WDR49: variants seen among roughly 807,000 people sequenced by gnomAD.
WDR49 encodes the protein cilia- and flagella-associated protein 337.
In WDR49, 107 loss-of-function variants were observed where a neutral mutation model predicts 119.5. The ratio of observed to expected loss-of-function variants is 0.90; its 90% CI spans 0.77 to 1.05. WDR49 has a LOEUF of 1.05. WDR49 is among the 50% of genes least tolerant of loss of function. The pLI is 0.00. For missense variants in WDR49, 1,240 were observed against 1,220.5 expected (o/e 1.02, Z -0.24); for synonymous variants, 425 against 418.8 (o/e 1.01, Z -0.18).
intron 8 of WDR49, among the ~76,000 whole-genome samples, chr3:167,570,905 G>A (rs113416071): frequency 0.22 from 33,236 of 151,546 alleles, 3,886 homozygotes; most frequent in South Asian, 0.27. Flanking sequence ...GCATGGTGGC[G>A]CACACCTGTA....
intron 9 of WDR49, among the ~76,000 whole-genome samples, chr3:167,557,747 C>A (rs573355014): frequency 8.6e-6 from 1 of 116,460 alleles, no homozygotes; most frequent in Non-Finnish European, 1.9e-5. Context: ...AGCGAGACTC[C>A]GTCTCAAAAA....
intron 8 of WDR49, among the ~76,000 whole-genome samples, chr3:167,565,679 G>C (rs1473464053): frequency 2.0e-5 from 3 of 152,038 alleles, no homozygotes; most frequent in African/African-American, 7.2e-5. Flanking sequence ...AAGGCCCTGA[G>C]GCACAGTGTC....
intron 7 of WDR49, among the ~76,000 whole-genome samples, chr3:167,582,949 AAC>A (rs369014712): frequency 9.5e-4 from 142 of 149,048 alleles, no homozygotes; most frequent in Non-Finnish European, 5.8e-4. Flanking sequence ...TCTCAAAACA[AAC>A]ACACACACAC....
In WDR49 at chr3:167,500,286, T is replaced by G; in HGVS notation, c.2898A>C (p.Ser966=). 2 of 1,605,240 alleles carry G rather than the reference T, an allele frequency of 1.2e-6. No individual in the cohort carries two copies. The highest frequency in any genetic ancestry group is 4.5e-5 in the East Asian group (2 of 44,184). ...VIKKSFSTFR[S]LNIGALEELP... is the part of the protein sequence containing the mutation. ...GCTCTTCCAGGGCTCCAATGTTTAATGACCTAAATGTACCTTCACAACAGC... is the reference window on the plus strand; with the variant it reads ...GCTCTTCCAGGGCTCCAATGTTTAAGGACCTAAATGTACCTTCACAACAGC... The change falls in exon 18 of 19, where the codon TCA becomes TCC. Residue 966 remains serine, a synonymous_variant. Coordinates refer to ENST00000682715, the MANE Select transcript of WDR49 (RefSeq NM_001366157.1).
At chr3:167,564,213 C>T (rs1435284751) in intron 8 of WDR49, among the ~76,000 whole-genome samples, 1 of 152,168 alleles carries the variant, frequency 6.6e-6, no homozygotes, top group Non-Finnish European at 1.5e-5. Context: ...CAGCATATAG[C>T]TAGTCTGATT....
chr3:167,567,545 C>A (rs1713680194), intron 8 of WDR49, among the ~76,000 whole-genome samples: 1 of 152,186 alleles, frequency 6.6e-6, no homozygotes, highest in Non-Finnish European at 1.5e-5. Context: ...TTTTCTATAA[C>A]AATGATGGCA....
At chr3:167,607,558 G>A (rs1009828407) in intron 5 of WDR49, among the ~76,000 whole-genome samples, 2 of 152,160 alleles carry the variant, frequency 1.3e-5, no homozygotes, top group Non-Finnish European at 2.9e-5. Context: ...CAACCTGAAA[G>A]CCAACTTGCT....
intron 5 of WDR49, among the ~76,000 whole-genome samples, chr3:167,609,303 A>T (rs915461139): frequency 2.6e-5 from 4 of 151,498 alleles, no homozygotes; most frequent in African/African-American, 7.3e-5. Context: ...ATAGAAAAAT[A>T]AAAAAAAACA....
chr3:167,640,705 G>T (rs1018509577), intron 2 of WDR49, among the ~76,000 whole-genome samples: 1 of 151,800 alleles, frequency 6.6e-6, no homozygotes, highest in African/African-American at 2.4e-5. Context: ...CAGGGATCAA[G>T]CTGCTGTAAA....
At chr3:167,479,066 G>T in intron 18 of WDR49, 70 bp from the exon 19 acceptor site, 1 of 1,164,938 alleles carries the variant, frequency 8.6e-7, no homozygotes, top group Non-Finnish European at 1.2e-6. Context: ...GAAATAGTGG[G>T]GAGAAAATTC....
intron 5 of WDR49, among the ~76,000 whole-genome samples, chr3:167,605,977 C>T (rs1024318615): frequency 5.3e-5 from 8 of 152,144 alleles, no homozygotes; most frequent in African/African-American, 1.9e-4. Context: ...AATACAGGGC[C>T]TGATCTCTTG....
At chr3:167,590,214 G>A (rs1262809566) in intron 7 of WDR49, among the ~76,000 whole-genome samples, 1 of 152,066 alleles carries the variant, frequency 6.6e-6, no homozygotes, top group Non-Finnish European at 1.5e-5. Flanking sequence ...TGATTGATTT[G>A]CATATGTGGA....
intron 8 of WDR49, among the ~76,000 whole-genome samples, chr3:167,572,220 G>C (rs903435876): frequency 6.6e-6 from 1 of 152,160 alleles, no homozygotes. Context: ...GGCTGTGAGG[G>C]CAAACTTTGC....
At chr3:167,479,152 G>C in intron 18 of WDR49, 156 bp from the exon 19 acceptor site, 2 of 603,020 alleles carry the variant, frequency 3.3e-6, no homozygotes, top group Non-Finnish European at 2.8e-6. Context: ...CTAAGCTTCT[G>C]CTATTCTGTT....
chr3:167,574,802 T>G (rs1205674855), intron 8 of WDR49, among the ~76,000 whole-genome samples: 1 of 152,208 alleles, frequency 6.6e-6, no homozygotes, highest in Non-Finnish European at 1.5e-5. Context: ...AATGTTCTCT[T>G]GGAAGCAAAT....
intron 2 of WDR49, among the ~76,000 whole-genome samples, chr3:167,638,243 C>CT (rs1224748507): frequency 6.6e-6 from 1 of 151,442 alleles, no homozygotes; most frequent in African/African-American, 2.4e-5. Context: ...TCCTGCAATG[C>CT]TTTTTTCTCT....
intron 7 of WDR49, among the ~76,000 whole-genome samples, chr3:167,579,659 TA>T (rs1293694142): frequency 6.6e-6 from 1 of 152,082 alleles, no homozygotes; most frequent in Non-Finnish European, 1.5e-5. Flanking sequence ...TAATCATCAC[TA>T]AAAAAATTTT....
chr3:167,625,127 A>G (rs781182131), intron 3 of WDR49, among the ~76,000 whole-genome samples: 8 of 152,102 alleles, frequency 5.3e-5, no homozygotes, highest in Non-Finnish European at 1.0e-4. Flanking sequence ...ACAATAGAGC[A>G]TACATTTTCC....
chr3:167,638,503 C>G (rs923072829), intron 2 of WDR49, among the ~76,000 whole-genome samples: 1 of 151,476 alleles, frequency 6.6e-6, no homozygotes, highest in Non-Finnish European at 1.5e-5. Flanking sequence ...CCTCAATTTC[C>G]CTTGGTTACA....
Sources: allele counts gnomAD v4.1 joint callset (sites outside exome capture counted in the v4.1 genomes callset), GRCh38; gene constraint gnomAD v4.1.1; transcripts MANE v1.5; gene names NCBI Gene and HGNC (gene_info 2026-07-23, HGNC 2026-07-21).